Variants in SAE1 observed in about 807,000 individuals in gnomAD.
SAE1 encodes SUMO1 activating enzyme subunit 1.
A neutral mutation model predicts 40.6 loss-of-function variants in SAE1; 11 were observed. That is an observed-to-expected ratio of 0.27 (90% CI 0.17 to 0.45). The LOEUF is 0.45. Ranked by LOEUF, SAE1 falls within the 20% of genes least tolerant of loss-of-function variation. The pLI is 1.00. For synonymous variants in SAE1, 155 were observed against 154.3 expected (o/e 1.00, Z -0.03); for missense variants, 373 against 427.3 (o/e 0.87, Z 1.12).
chr19:47,161,359 A>T (rs929454481), intron 5 of SAE1, among the ~76,000 whole-genome samples: 1 of 152,172 alleles, frequency 6.6e-6, no homozygotes, highest in African/African-American at 2.4e-5. Context: ...GATATGCAGC[A>T]TCAATGCAGA....
intron 5 of SAE1, among the ~76,000 whole-genome samples, chr19:47,166,124 C>T (rs1288911027): frequency 6.6e-6 from 1 of 152,184 alleles, no homozygotes; most frequent in Non-Finnish European, 1.5e-5. Context: ...CTTCCCTGTT[C>T]TGCCTGTGCA....
At chr19:47,190,617 G>A (rs1030296669) in intron 6 of SAE1, among the ~76,000 whole-genome samples, 2 of 152,202 alleles carry the variant, frequency 1.3e-5, no homozygotes, top group East Asian at 3.8e-4. Flanking sequence ...TGTGGTCAGC[G>A]AGGTATGTGG....
chr19:47,187,220 T>C (rs1359534160), intron 6 of SAE1, among the ~76,000 whole-genome samples: 1 of 152,134 alleles, frequency 6.6e-6, no homozygotes, highest in African/African-American at 2.4e-5. Flanking sequence ...TTCCGTGAAG[T>C]GTCCCTACCT....
At position 47,137,703 on chromosome 19, in the gene SAE1, TTGTGTGTGTGTGTGTG is replaced by T. The variant is rs35991953; in HGVS notation, c.99-5781_99-5766del. On this transcript the variant is annotated intron_variant, in intron 1 of 8. Coordinates refer to ENST00000270225, the MANE Select transcript of SAE1 (RefSeq NM_005500.3). ...GGCGTATGCCGTAACACTCAGCTGA[TTGTGTGTGTGTGTGTG>T]TGTGTGTGTTGTTTTTTTTTTTTTT... Among the ~76,000 whole-genome samples the T allele has an allele frequency of 5.4e-3, 736 of 135,050 alleles. 8 individuals carry two copies. The highest frequency in any genetic ancestry group is 0.019 in the African/African-American group (713 of 36,656). The allele number at this position is 135,050 out of a possible 152,430, so 88.6% of individuals were successfully genotyped here.
intron 2 of SAE1, among the ~76,000 whole-genome samples, chr19:47,147,210 T>G (rs1184413007): frequency 2.2e-5 from 3 of 137,554 alleles, no homozygotes; most frequent in East Asian, 2.1e-4. Flanking sequence ...TTTTTTTTTT[T>G]TTTTTTTTTT....
chr19:47,143,525 T>C lies in SAE1; in HGVS notation c.130T>C (p.Leu44=), dbSNP rs760515161. 6 of 1,614,158 alleles carry C rather than the reference T, an allele frequency of 3.7e-6. No individual in the cohort carries two copies. In the South Asian group the frequency reaches 6.6e-5, roughly 18 times the overall value. The change falls in exon 2 of 9, where the codon TTG becomes CTG. Residue 44 remains leucine (L), a synonymous_variant. Coordinates refer to ENST00000270225, the MANE Select transcript of SAE1 (RefSeq NM_005500.3). Reference sequence around the variant, plus strand: ...GGCCTCTCGGGTGCTTCTTGTCGGCTTGAAAGGACTTGGGGCTGAAATTGC... The same window carrying C: ...GGCCTCTCGGGTGCTTCTTGTCGGCCTGAAAGGACTTGGGGCTGAAATTGC... ...LRASRVLLVG[L]KGLGAEIAKN... is the part of the protein sequence containing the mutation.
intron 6 of SAE1, among the ~76,000 whole-genome samples, chr19:47,173,133 A>T (rs578173357): frequency 6.6e-6 from 1 of 152,176 alleles, no homozygotes; most frequent in South Asian, 2.1e-4. Flanking sequence ...GGTTCGAGCG[A>T]TTCTACAGGC....
intron 2 of SAE1, among the ~76,000 whole-genome samples, chr19:47,148,171 G>C (rs1272232176): frequency 2.6e-5 from 4 of 152,056 alleles, no homozygotes; most frequent in African/African-American, 9.7e-5. Context: ...AATCCAGCCT[G>C]AATTATTTCA....
intron 6 of SAE1, among the ~76,000 whole-genome samples, chr19:47,183,719 T>G (rs1367469848): frequency 6.6e-6 from 1 of 152,218 alleles, no homozygotes; most frequent in African/African-American, 2.4e-5. Flanking sequence ...GTTTAAAGCC[T>G]CACATCTTTT....
chr19:47,137,730 G>GT (rs1159240222), intron 1 of SAE1, among the ~76,000 whole-genome samples: 21,313 of 106,904 alleles, frequency 0.2, 1,938 homozygotes, highest in East Asian at 0.34. Context: ...TGTGTGTGTT[G>GT]TTTTTTTTTT....
At chr19:47,194,731 TG>T (rs1354446594) in intron 6 of SAE1, among the ~76,000 whole-genome samples, 2 of 150,334 alleles carry the variant, frequency 1.3e-5, no homozygotes, top group Admixed American at 1.3e-4. Flanking sequence ...TAGAAGGTGT[TG>T]GTATGTTAAT....
intron 7 of SAE1, among the ~76,000 whole-genome samples, chr19:47,203,430 T>G (rs1418907636): frequency 6.6e-6 from 1 of 152,184 alleles, no homozygotes; most frequent in Non-Finnish European, 1.5e-5. Context: ...AAGGTAAAAA[T>G]AAAAGTATTG....
intron 2 of SAE1, among the ~76,000 whole-genome samples, chr19:47,145,127 C>T (rs901872039): frequency 3.9e-5 from 6 of 151,908 alleles, no homozygotes; most frequent in Non-Finnish European, 7.4e-5. Context: ...CTCAATCTCC[C>T]GAGTAGCTGG....
intron 6 of SAE1, among the ~76,000 whole-genome samples, chr19:47,192,975 G>T (rs1225700536): frequency 6.6e-6 from 1 of 151,914 alleles, no homozygotes; most frequent in Admixed American, 6.6e-5. Context: ...CGGAATACCA[G>T]CAGGACATCT....
chr19:47,193,447 A>T (rs1191523316), intron 6 of SAE1, among the ~76,000 whole-genome samples: 1 of 151,984 alleles, frequency 6.6e-6, no homozygotes, highest in Non-Finnish European at 1.5e-5. Flanking sequence ...AGAAGAGAGT[A>T]ACATTCTCAG....
At chr19:47,162,512 G>A (rs1478159088) in intron 5 of SAE1, among the ~76,000 whole-genome samples, 1 of 152,130 alleles carries the variant, frequency 6.6e-6, no homozygotes, top group African/African-American at 2.4e-5. Context: ...TCTGCTGAGT[G>A]TGAAAAATGT....
chr19:47,187,874 T>C (rs758499437), intron 6 of SAE1, among the ~76,000 whole-genome samples: 5 of 152,154 alleles, frequency 3.3e-5, no homozygotes, highest in Non-Finnish European at 7.3e-5. Context: ...CCCCTAGTTA[T>C]CCTTTATTCT....
chr19:47,167,156 G>A (rs1328398005), intron 5 of SAE1, among the ~76,000 whole-genome samples: 1 of 151,954 alleles, frequency 6.6e-6, no homozygotes, highest in Non-Finnish European at 1.5e-5. Flanking sequence ...GTTTCACCGT[G>A]TTGGCCAGGC....
chr19:47,194,825 T>G (rs1236273612), intron 6 of SAE1, among the ~76,000 whole-genome samples: 1 of 147,522 alleles, frequency 6.8e-6, no homozygotes, highest in Non-Finnish European at 1.5e-5. Context: ...CTCAGCTCAC[T>G]GCAACCTCCC....
Sources: gnomAD v4.1 joint callset for allele counts (sites outside exome capture counted in the v4.1 genomes callset) on GRCh38, gnomAD v4.1.1 for gene constraint, MANE v1.5 for transcripts, NCBI Gene and HGNC (gene_info 2026-07-23, HGNC 2026-07-21) for gene names.